CMIP: variants seen among roughly 807,000 people sequenced by gnomAD.
CMIP encodes the protein C-Maf-inducing protein.
CMIP carries 13 observed loss-of-function variants against 97.3 expected under a neutral mutation model. That is an observed-to-expected ratio of 0.13 (90% confidence interval 0.09 to 0.21). CMIP has a LOEUF of 0.21. CMIP is among the 10% of genes least tolerant of loss of function. CMIP has a pLI of 1.00. For synonymous variants in CMIP, 538 were observed against 436.3 expected, an observed-to-expected ratio of 1.23 and a Z score of -2.91; for missense variants, 847 against 1,024.9, an observed-to-expected ratio of 0.83 and a Z score of 2.37.
intron 4 of CMIP, 55 bp from the exon 5 acceptor site, chr16:81,657,720 T>C: frequency 7.0e-7 from 1 of 1,420,172 alleles, no homozygotes; most frequent in East Asian, 2.4e-5. Flanking sequence ...AATGCTCGTT[T>C]TCTTAATTTT....
intron 11 of CMIP, among the ~76,000 whole-genome samples, chr16:81,692,547 A>G (rs1906211907): frequency 6.6e-6 from 1 of 152,226 alleles, no homozygotes; most frequent in African/African-American, 2.4e-5. Context: ...CCGATTACCA[A>G]GCGTGTTTAG....
At chr16:81,523,673 G>C (rs1043474932) in intron 1 of CMIP, among the ~76,000 whole-genome samples, 1 of 152,244 alleles carries the variant, frequency 6.6e-6, no homozygotes, top group African/African-American at 2.4e-5. Flanking sequence ...ACGAAGTCTG[G>C]AAAAGAACCA....
chr16:81,666,181 T>C (rs193267606), intron 7 of CMIP: 13 of 152,280 alleles, frequency 8.5e-5, no homozygotes, highest in Admixed American at 8.5e-4. Flanking sequence ...CCCTGTTTGT[T>C]AACTTTAAAA....
At chr16:81,506,544 G>A (rs574028367) in intron 1 of CMIP, among the ~76,000 whole-genome samples, 16 of 152,366 alleles carry the variant, frequency 1.1e-4, no homozygotes, top group African/African-American at 3.8e-4. Flanking sequence ...ATAACAATCA[G>A]TAATGGCTTA....
intron 1 of CMIP, among the ~76,000 whole-genome samples, chr16:81,454,370 G>C (rs890958192): frequency 6.6e-6 from 1 of 152,218 alleles, no homozygotes; most frequent in African/African-American, 2.4e-5. Flanking sequence ...CCCCGTGTCT[G>C]TGTGGGTCCA....
chr16:81,577,733 CCGT>C, intron 1 of CMIP, among the ~76,000 whole-genome samples: 1 of 149,844 alleles, frequency 6.7e-6, no homozygotes, highest in African/African-American at 2.5e-5. Flanking sequence ...TTCATCATCA[CCGT>C]CATCCCCATT....
At chr16:81,477,372 G>A (rs1356803970) in intron 1 of CMIP, among the ~76,000 whole-genome samples, 2 of 152,174 alleles carry the variant, frequency 1.3e-5, no homozygotes, top group African/African-American at 2.4e-5. Flanking sequence ...TGTTGGCCAG[G>A]CTCGTCTCGA....
At chr16:81,545,723 C>A (rs1294361598) in intron 1 of CMIP, among the ~76,000 whole-genome samples, 1 of 152,164 alleles carries the variant, frequency 6.6e-6, no homozygotes, top group East Asian at 1.9e-4. Context: ...AGCATTGTTT[C>A]CAAATGATGG....
intron 1 of CMIP, among the ~76,000 whole-genome samples, chr16:81,474,512 G>C (rs1208058331): frequency 6.6e-6 from 1 of 152,128 alleles, no homozygotes; most frequent in Non-Finnish European, 1.5e-5. Flanking sequence ...CCTACCTTCA[G>C]ACCACACCTC....
chr16:81,495,535 T>C (rs1243879821), intron 1 of CMIP: 1 of 1,606,058 alleles, frequency 6.2e-7, no homozygotes, highest in African/African-American at 1.3e-5. Flanking sequence ...CAGCTTGATG[T>C]CTGTGCCTAA....
intron 1 of CMIP, among the ~76,000 whole-genome samples, chr16:81,584,753 A>G (rs987766284): frequency 3.3e-5 from 5 of 152,216 alleles, no homozygotes; most frequent in Admixed American, 2.6e-4. Context: ...CTGTTCTTGA[A>G]TTGGCCTCTG....
chr16:81,470,726 G>A (rs1208083707), intron 1 of CMIP, among the ~76,000 whole-genome samples: 1 of 152,224 alleles, frequency 6.6e-6, no homozygotes, highest in Non-Finnish European at 1.5e-5. Flanking sequence ...CCATACTGCT[G>A]GGATTACGAG....
At chr16:81,525,247 G>A (rs962502714) in intron 1 of CMIP, among the ~76,000 whole-genome samples, 2 of 152,012 alleles carry the variant, frequency 1.3e-5, no homozygotes, top group African/African-American at 2.4e-5. Flanking sequence ...AGGTTGAAGC[G>A]ATTCTCATGT....
chr16:81,490,061 G>A (rs1196769302), intron 1 of CMIP, among the ~76,000 whole-genome samples: 3 of 152,200 alleles, frequency 2.0e-5, no homozygotes, highest in African/African-American at 7.2e-5. Context: ...AGAGACCTGT[G>A]GACACGCCTG....
chr16:81,648,502 G>C (rs2092390892), intron 3 of CMIP, among the ~76,000 whole-genome samples: 1 of 152,074 alleles, frequency 6.6e-6, no homozygotes, highest in Non-Finnish European at 1.5e-5. Context: ...CTGAAGAGTT[G>C]GCCAGGCGCA....
chr16:81,491,432 G>A (rs1258751797), intron 1 of CMIP, among the ~76,000 whole-genome samples: 1 of 152,202 alleles, frequency 6.6e-6, no homozygotes, highest in Admixed American at 6.5e-5. Flanking sequence ...TGAGGCTCAG[G>A]GAAGATTATG....
rs893270197 is a variant in CMIP, at chr16:81,709,972, G to A, written c.*173G>A. On this transcript the variant is annotated 3_prime_UTR_variant, in exon 21 of 21. Coordinates refer to ENST00000537098, the MANE Select transcript of CMIP (RefSeq NM_198390.3). ...GGGTGGGGAGGGGGCCCACAAGCAC[G>A]CCCAGCCCCCGCCGAATTCTTTTAG... The A allele has an allele frequency of 2.0e-5, 11 of 549,674 alleles. No homozygotes were observed. The highest frequency in any genetic ancestry group is 1.2e-4 in the Admixed American group (4 of 33,544). The allele number at this position is 549,674 out of a possible 1,614,324, so 34.0% of individuals were successfully genotyped here.
intron 1 of CMIP, among the ~76,000 whole-genome samples, chr16:81,573,397 G>C (rs750521516): frequency 6.6e-6 from 1 of 151,964 alleles, no homozygotes; most frequent in Non-Finnish European, 1.5e-5. Context: ...CTGTCAGAAT[G>C]TGAAGTGAAG....
intron 7 of CMIP, among the ~76,000 whole-genome samples, chr16:81,667,797 AGAGT>A (rs1458553815): frequency 0.015 from 1,004 of 64,878 alleles, 2 homozygotes; most frequent in Middle Eastern, 0.023. Flanking sequence ...AGAGAGAGAG[AGAGT>A]GTGTGTGTGT....
Sources: allele counts gnomAD v4.1 joint callset (sites outside exome capture counted in the v4.1 genomes callset), GRCh38; gene constraint gnomAD v4.1.1; transcripts MANE v1.5; gene names NCBI Gene and HGNC (gene_info 2026-07-23, HGNC 2026-07-21).